The following FOXN3 variants were observed in gnomAD, a reference collection of about 807,000 sequenced individuals.
The protein encoded by FOXN3 is forkhead box protein N3.
A neutral mutation model predicts 38.4 loss-of-function variants in FOXN3; 7 were observed. The observed-to-expected ratio is 0.18, with a 90% CI of 0.10 to 0.34. The LOEUF (loss-of-function observed/expected upper bound fraction) is 0.34, where lower values mean the gene tolerates loss of function less well. Among genes scored for constraint, FOXN3 ranks in the 10% least tolerant of loss-of-function variants. The pLI is 1.00. For synonymous variants in FOXN3, 230 were observed against 242.2 expected (o/e 0.95, Z 0.47); for missense variants, 456 against 613.4 (o/e 0.74, Z 2.71).
intron 2 of FOXN3, among the ~76,000 whole-genome samples, chr14:89,366,512 A>G (rs920290270): frequency 1.3e-5 from 2 of 152,244 alleles, no homozygotes; most frequent in African/African-American, 4.8e-5. Flanking sequence ...TTTTTAAAAA[A>G]AAGTTTGAAA....
At chr14:89,293,124 C>T (rs1403744965) in intron 3 of FOXN3, among the ~76,000 whole-genome samples, 1 of 152,200 alleles carries the variant, frequency 6.6e-6, no homozygotes, top group Non-Finnish European at 1.5e-5. Flanking sequence ...GGGTTTGCCA[C>T]TTCCCCACTG....
chr14:89,538,049 G>A lies in FOXN3; in HGVS notation c.-15+80979C>T, dbSNP rs144328360. On this transcript the variant is annotated intron_variant, in intron 1 of 6. Transcript: ENST00000345097. ...CAATTACTAATTAAATGAGACAACA[G>A]GAGGTATCATTTTCCAAATGGAACC... 1.8e-4 allele frequency among the ~76,000 whole-genome samples: 28 copies of A among 152,296 alleles called. No individual in the cohort carries two copies. In the East Asian group the frequency reaches 5.0e-3, roughly 27 times the overall value.
intron 1 of FOXN3, among the ~76,000 whole-genome samples, chr14:89,565,914 CATTTT>C (rs1436718548): frequency 1.3e-5 from 2 of 152,334 alleles, no homozygotes; most frequent in East Asian, 3.9e-4. Context: ...TCTGCAACTA[CATTTT>C]ATTTCTCTAA....
intron 1 of FOXN3, among the ~76,000 whole-genome samples, chr14:89,536,490 TAAA>T (rs1255105951): frequency 1.3e-5 from 2 of 152,092 alleles, no homozygotes; most frequent in Admixed American, 1.3e-4. Flanking sequence ...TTATAAAGAT[TAAA>T]TAAGGTCGGC....
In FOXN3 at chr14:89,484,527, C is replaced by T. The variant is rs1240462238; in HGVS notation, c.-14-72037G>A. On this transcript the variant is annotated intron_variant, in intron 1 of 6. Coordinates refer to the FOXN3 transcript ENST00000345097. This position sits in a 1 kb window ranked among gnomAD's most constrained non-coding sequence, Gnocchi z 4.0. The stretch of plus-strand genomic sequence containing the variant: ...CCCAACCACTGAAAAATGTGAAAAC[C>T]ATTCTTAGTACATTGGCGATGCACA... Among the ~76,000 whole-genome samples the T allele has an allele frequency of 6.6e-6, 1 of 152,122 alleles. No individual in the cohort carries two copies. The highest frequency in any genetic ancestry group is 1.5e-5 in the Non-Finnish European group (1 of 68,030).
chr14:89,414,956 T>C (rs1891654611), intron 1 of FOXN3, among the ~76,000 whole-genome samples: 1 of 152,290 alleles, frequency 6.6e-6, no homozygotes, highest in South Asian at 2.1e-4. Context: ...TATTTCTTTC[T>C]GTCAAATAAG....
intron 1 of FOXN3, among the ~76,000 whole-genome samples, chr14:89,472,059 C>T (rs1893105412): frequency 6.6e-6 from 1 of 152,028 alleles, no homozygotes; most frequent in Non-Finnish European, 1.5e-5. Context: ...AGTTCGAGAC[C>T]AGCCTGGCCA....
At chr14:89,265,120 T>C (rs950029622) in intron 4 of FOXN3, among the ~76,000 whole-genome samples, 1 of 152,204 alleles carries the variant, frequency 6.6e-6, no homozygotes, top group African/African-American at 2.4e-5. Context: ...GAAATTGTAT[T>C]ATGAAAGCTC....
At chr14:89,270,112 T>A (rs958868114) in intron 4 of FOXN3, among the ~76,000 whole-genome samples, 1 of 152,200 alleles carries the variant, frequency 6.6e-6, no homozygotes, top group Non-Finnish European at 1.5e-5. Flanking sequence ...CAAGGAACTT[T>A]CTTTTTCTGT....
At chr14:89,590,113 C>A (rs1403394178) in intron 1 of FOXN3, among the ~76,000 whole-genome samples, 3 of 152,080 alleles carry the variant, frequency 2.0e-5, no homozygotes, top group Non-Finnish European at 4.4e-5. Flanking sequence ...ATCTACCCAC[C>A]TGCCAATGAC....
At chr14:89,261,368 C>G (rs983463504) in intron 4 of FOXN3, among the ~76,000 whole-genome samples, 1 of 152,196 alleles carries the variant, frequency 6.6e-6, no homozygotes, top group Non-Finnish European at 1.5e-5. Flanking sequence ...AGCAGAAACG[C>G]TGGGACTCAA....
At chr14:89,290,196 G>T in intron 3 of FOXN3, 1 of 243,304 alleles carries the variant, frequency 4.1e-6, no homozygotes, top group East Asian at 1.2e-4. Context: ...CTCAGGTGAG[G>T]GGGTTCACTG....
chr14:89,456,714 C>T (rs1892734137), intron 1 of FOXN3, among the ~76,000 whole-genome samples: 1 of 152,200 alleles, frequency 6.6e-6, no homozygotes, highest in Non-Finnish European at 1.5e-5. Context: ...CAAGATCGCA[C>T]CACTGCACTC....
At chr14:89,291,269 T>A (rs1050586154) in intron 3 of FOXN3, 5 of 446,850 alleles carry the variant, frequency 1.1e-5, no homozygotes, top group African/African-American at 1.0e-4. Context: ...TTTGGACTTC[T>A]GAATCTTTTC....
Position 89,512,363 on chromosome 14 carries a change from G to A in FOXN3, c.-14-99873C>T, listed in dbSNP as rs79703635. Among the ~76,000 whole-genome samples, 60 of 152,314 alleles carry A rather than the reference G, an allele frequency of 3.9e-4. 1 individual carries two copies. The highest frequency in any genetic ancestry group is 3.5e-3 in the East Asian group (18 of 5,186). On this transcript the variant is annotated intron_variant, in intron 1 of 6. Transcript: ENST00000345097. The stretch of plus-strand genomic sequence containing the variant: ...AGGGAGAGGGGCTTTATAGAAAGAC[G>A]TGAAAACCACAAGGAAGCGGTTAAA...
chr14:89,599,442 G>A (rs1896116956), intron 1 of FOXN3, among the ~76,000 whole-genome samples: 1 of 152,094 alleles, frequency 6.6e-6, no homozygotes, highest in Admixed American at 6.5e-5. Context: ...CAGTTCTCTG[G>A]CAGAGTTTTC....
intron 4 of FOXN3, among the ~76,000 whole-genome samples, chr14:89,238,086 C>A (rs374574468): frequency 6.6e-6 from 1 of 152,358 alleles, no homozygotes; most frequent in South Asian, 2.1e-4. Context: ...TCAGCACCCT[C>A]TACCTTTAAA....
At chr14:89,213,445 T>G (rs1030513482) in intron 4 of FOXN3, among the ~76,000 whole-genome samples, 1 of 152,146 alleles carries the variant, frequency 6.6e-6, no homozygotes. Flanking sequence ...AACTCGAAGA[T>G]GGGTTTTGAA....
At chr14:89,613,141 A>AAAT (rs1896428587) in intron 1 of FOXN3, among the ~76,000 whole-genome samples, 2 of 144,518 alleles carry the variant, frequency 1.4e-5, no homozygotes, top group African/African-American at 5.0e-5. Context: ...AAAAAAAAAA[A>AAAT]CTCTTACATT....
Sources: gnomAD v4.1 joint callset for allele counts (sites outside exome capture counted in the v4.1 genomes callset) on GRCh38, gnomAD v4.1.1 for gene constraint, Gnocchi (gnomAD v3.1) non-coding constraint, MANE v1.5 for transcripts, NCBI Gene and HGNC (gene_info 2026-07-23, HGNC 2026-07-21) for gene names.